NRTN: variants seen among roughly 807,000 people sequenced by gnomAD.
NRTN encodes neurturin, also known as prepro-neurturin.
In NRTN, 3 loss-of-function variants were observed where a neutral mutation model predicts 7.5. The observed-to-expected ratio is 0.40, with a 90% CI of 0.18 to 1.03. NRTN has a LOEUF of 1.03. Among genes scored for constraint, NRTN ranks in the 50% least tolerant of loss-of-function variants. The pLI, the probability that NRTN is intolerant of heterozygous loss-of-function variation, is 0.34. For synonymous variants in NRTN, 157 were observed against 146.6 expected, an observed-to-expected ratio of 1.07 and a Z score of -0.51; for missense variants, 310 against 307.0, an observed-to-expected ratio of 1.01 and a Z score of -0.07.
chr19:5,819,893 C>T lies in NRTN; in HGVS notation c.-398-3875C>T, dbSNP rs928447283. 2.6e-5 allele frequency among the ~76,000 whole-genome samples: 4 copies of T among 151,432 alleles called. No homozygotes were observed. In the South Asian group the frequency reaches 6.2e-4, roughly 24 times the overall value. On this transcript the variant is annotated intron_variant, in intron 1 of 2. Coordinates refer to ENST00000303212, the MANE Select transcript of NRTN (RefSeq NM_004558.5). ...TGGGGGTATTACCTGCTTCTTAGGA[C>T]GCTTGTAAGGTTGGAATGACTATAT...
At chr19:5,816,353 GTCTTTTC>G (rs1250608264) in intron 1 of NRTN, among the ~76,000 whole-genome samples, 2 of 152,014 alleles carry the variant, frequency 1.3e-5, no homozygotes, top group African/African-American at 4.8e-5. Context: ...GACTCTTTTT[GTCTTTTC>G]TCTTCTCATC....
chr19:5,825,417 T>C (rs1207722597), intron 2 of NRTN, among the ~76,000 whole-genome samples: 1 of 152,154 alleles, frequency 6.6e-6, no homozygotes, highest in Non-Finnish European at 1.5e-5. Flanking sequence ...AGTACGCCCA[T>C]GTGCGCGTCT....
At chr19:5,825,399 G>A (rs535399982) in intron 2 of NRTN, among the ~76,000 whole-genome samples, 1 of 152,180 alleles carries the variant, frequency 6.6e-6, no homozygotes, top group Non-Finnish European at 1.5e-5. Context: ...CTTTGGGTGT[G>A]GGCCACGAGT....
chr19:5,814,665 T>C (rs2446203), intron 1 of NRTN, among the ~76,000 whole-genome samples: 95,445 of 152,048 alleles, frequency 0.63, 30,213 homozygotes, highest in South Asian at 0.71. Flanking sequence ...ACCCTTGCGC[T>C]GGCTGTCTGT....
rs1242064325 is a variant in NRTN at position 5,824,320 on chromosome 19, C to T, written c.155C>T (p.Ala52Val). The stretch of plus-strand genomic sequence containing the variant: ...CCTCGAACCCTGGACGCCCGGATTG[C>T]CCGCCTGGCCCAGTGTAAGCTCCTC... ...RLPRTLDARI[A>V]RLAQYRALLQ... Residue 52 changes from alanine to valine, a missense_variant, in exon 2 of 3, where the codon GCC becomes GTC. Transcript: ENST00000303212. 6.2e-7 allele frequency: 1 copy of T among 1,602,676 alleles called. No individual in the cohort carries two copies.
chr19:5,813,212 TA>T (rs1210227581), intron 1 of NRTN, among the ~76,000 whole-genome samples: 4 of 151,126 alleles, frequency 2.6e-5, no homozygotes, highest in East Asian at 1.9e-4. Context: ...TTGTCTCTAT[TA>T]AAAAAAATTT....
intron 1 of NRTN, among the ~76,000 whole-genome samples, chr19:5,818,438 G>GT (rs1404039448): frequency 6.6e-5 from 10 of 152,238 alleles, no homozygotes; most frequent in Admixed American, 2.0e-4. Flanking sequence ...GGGCACACAA[G>GT]TGTAAGCCTG....
intron 1 of NRTN, among the ~76,000 whole-genome samples, chr19:5,823,507 A>G (rs1010311913): frequency 2.0e-5 from 3 of 152,164 alleles, no homozygotes; most frequent in African/African-American, 7.2e-5. Context: ...TATCTGTGCA[A>G]AAGCCCAGAG....
intron 1 of NRTN, among the ~76,000 whole-genome samples, chr19:5,809,170 GTT>G (rs570492039): frequency 5.2e-5 from 7 of 134,488 alleles, no homozygotes; most frequent in Admixed American, 7.5e-5. Flanking sequence ...TTCATCCTGA[GTT>G]TTTTTTTTTT....
chr19:5,814,239 G>T (rs2056998704), intron 1 of NRTN, among the ~76,000 whole-genome samples: 1 of 150,168 alleles, frequency 6.7e-6, no homozygotes, highest in African/African-American at 2.5e-5. Context: ...AGACAGTCAT[G>T]GGCACAGACA....
chr19:5,822,298 C>T (rs1305278348), intron 1 of NRTN, among the ~76,000 whole-genome samples: 1 of 152,160 alleles, frequency 6.6e-6, no homozygotes, highest in Non-Finnish European at 1.5e-5. Flanking sequence ...GCCTGGGAAC[C>T]CCATGAGCCG....
chr19:5,808,708 C>T (rs1175900981), intron 1 of NRTN, among the ~76,000 whole-genome samples: 4 of 151,686 alleles, frequency 2.6e-5, no homozygotes, highest in Admixed American at 2.6e-4. Flanking sequence ...AGCCTTTATA[C>T]GTGCAGCTCC....
chr19:5,827,961 C>A lies in NRTN; in HGVS notation c.382C>A (p.Arg128Ser). Reference protein sequence around the residue: ...GYASDETVLFRYCAGACEAAA... With the variant: ...GYASDETVLFSYCAGACEAAA... ...CGCGTCCGACGAGACGGTGCTGTTC[C>A]GCTACTGCGCAGGCGCCTGCGAGGC... is the stretch of plus-strand genomic sequence containing the variant. The change falls in exon 3 of 3, where the codon CGC becomes AGC. Residue 128 changes from arginine to serine, a missense_variant. Transcript: ENST00000303212. 2 of 1,486,258 alleles carry A rather than the reference C, an allele frequency of 1.3e-6. No individual in the cohort carries two copies. The highest frequency in any genetic ancestry group is 1.8e-6 in the Non-Finnish European group (2 of 1,124,938). 92.1% of individuals were successfully genotyped at this position (1,486,258 alleles called of 1,614,324 possible). A position where few individuals can be genotyped will look rare whatever the true frequency, so the allele number is the denominator to read the frequency against.
At chr19:5,826,264 C>A (rs1288989240) in intron 2 of NRTN, among the ~76,000 whole-genome samples, 1 of 152,124 alleles carries the variant, frequency 6.6e-6, no homozygotes, top group Non-Finnish European at 1.5e-5. Context: ...CCCCCTAACC[C>A]CCCAGCACAG....
intron 2 of NRTN, 63 bp downstream of exon 2, chr19:5,824,397 G>A: frequency 1.3e-6 from 2 of 1,527,614 alleles, no homozygotes; most frequent in Non-Finnish European, 1.8e-6. Flanking sequence ...TTCAGGCAGT[G>A]GAGTGGGAGG....
At chr19:5,823,310 G>A (rs708688) in intron 1 of NRTN, among the ~76,000 whole-genome samples, 53,195 of 151,636 alleles carry the variant, frequency 0.35, 9,534 homozygotes, top group East Asian at 0.53. Flanking sequence ...CCAGCTACTC[G>A]GGGGGCTGAG....
At chr19:5,814,822 G>A (rs1276762100) in intron 1 of NRTN, among the ~76,000 whole-genome samples, 2 of 142,406 alleles carry the variant, frequency 1.4e-5, no homozygotes, top group African/African-American at 5.2e-5. Flanking sequence ...TCTGTCCTAG[G>A]TCCTTCTTGC....
chr19:5,809,324 C>T (rs902524483), intron 1 of NRTN, among the ~76,000 whole-genome samples: 2 of 151,900 alleles, frequency 1.3e-5, no homozygotes, highest in South Asian at 2.1e-4. Context: ...GTACATGCCA[C>T]CAAGCCCAGC....
At chr19:5,809,199 G>C (rs1366053138) in intron 1 of NRTN, among the ~76,000 whole-genome samples, 2 of 144,296 alleles carry the variant, frequency 1.4e-5, no homozygotes, top group Non-Finnish European at 3.0e-5. Flanking sequence ...CTGAGACGGT[G>C]TTGCTCTGTC....
Sources: allele counts gnomAD v4.1 joint callset (sites outside exome capture counted in the v4.1 genomes callset), GRCh38; gene constraint gnomAD v4.1.1; transcripts MANE v1.5; gene names NCBI Gene and HGNC (gene_info 2026-07-23, HGNC 2026-07-21).